The following ACYP2 variants were observed in gnomAD, a reference collection of about 807,000 sequenced individuals.
ACYP2 encodes the protein acylphosphatase 2.
ACYP2 carries 12 observed loss-of-function variants against 11.2 expected under a neutral mutation model. That is an observed-to-expected ratio of 1.08 (90% CI 0.69 to 1.74). ACYP2 has a LOEUF of 1.74. ACYP2 is among the 40% of genes most tolerant of loss of function. The pLI, the probability that ACYP2 is intolerant of heterozygous loss-of-function variation, is 0.00. For missense variants in ACYP2, 134 were observed against 101.9 expected (o/e 1.31, Z -1.35); for synonymous variants, 43 against 32.2 (o/e 1.33, Z -1.13).
intron 6 of ACYP2, among the ~76,000 whole-genome samples, chr2:54,293,204 T>G (rs1689384835): frequency 6.6e-6 from 1 of 152,202 alleles, no homozygotes; most frequent in African/African-American, 2.4e-5. Context: ...CTAAGCATAC[T>G]GACTCTAAAG....
At chr2:54,159,926 T>C (rs1042045146) in intron 6 of ACYP2, among the ~76,000 whole-genome samples, 1 of 152,170 alleles carries the variant, frequency 6.6e-6, no homozygotes, top group Non-Finnish European at 1.5e-5. Context: ...GCCTTGCTGA[T>C]TGCTCCCCAC....
intron 4 of ACYP2, among the ~76,000 whole-genome samples, chr2:54,088,329 G>A (rs993565349): frequency 5.3e-5 from 8 of 152,068 alleles, no homozygotes; most frequent in African/African-American, 1.7e-4. Context: ...TCAGCTTCAA[G>A]AAGCAGGAGG....
At chr2:54,121,219 G>A (rs886998651) in intron 4 of ACYP2, among the ~76,000 whole-genome samples, 2 of 152,196 alleles carry the variant, frequency 1.3e-5, no homozygotes, top group Non-Finnish European at 2.9e-5. Context: ...GTAGCCCTCT[G>A]TGTGAGAGGG....
chr2:54,048,139 T>C (rs1368081890), intron 2 of ACYP2, among the ~76,000 whole-genome samples: 1 of 152,152 alleles, frequency 6.6e-6, no homozygotes, highest in African/African-American at 2.4e-5. Context: ...ATAAAAGTTT[T>C]TGTAGGCCAG....
chr2:54,254,536 A>G (rs148559721), intron 6 of ACYP2: 91 of 196,354 alleles, frequency 4.6e-4, no homozygotes, highest in African/African-American at 1.9e-3. Flanking sequence ...TCAGATGCAG[A>G]GCAGGGTGAG....
chr2:54,154,751 T>C (rs1409267074), intron 6 of ACYP2, among the ~76,000 whole-genome samples: 1 of 152,204 alleles, frequency 6.6e-6, no homozygotes, highest in African/African-American at 2.4e-5. Context: ...CATAATGTTC[T>C]TGTCTGGCTT....
intron 4 of ACYP2, among the ~76,000 whole-genome samples, chr2:54,121,133 G>T (rs1335846345): frequency 6.6e-6 from 1 of 152,190 alleles, no homozygotes; most frequent in African/African-American, 2.4e-5. Context: ...CGCGGACACT[G>T]GAGAGTGAAC....
chr2:53,988,496 G>A (rs191386740), intron 2 of ACYP2, among the ~76,000 whole-genome samples: 1 of 152,136 alleles, frequency 6.6e-6, no homozygotes, highest in Admixed American at 6.6e-5. Context: ...CACCTCCCAG[G>A]TTCAAGTGAT....
At chr2:54,225,390 C>T (rs1685971400) in intron 6 of ACYP2, among the ~76,000 whole-genome samples, 1 of 151,984 alleles carries the variant, frequency 6.6e-6, no homozygotes, top group African/African-American at 2.4e-5. Flanking sequence ...CAGAGAAAAA[C>T]AAGGGTGTTT....
At chr2:54,096,830 A>AGGGATAGGGAGACCGTG (rs1678618295) in intron 4 of ACYP2, among the ~76,000 whole-genome samples, 1 of 151,442 alleles carries the variant, frequency 6.6e-6, no homozygotes, top group Non-Finnish European at 1.5e-5. Context: ...GTGGAAAGAG[A>AGGGATAGGGAGACCGTG]GGGAGAGGGA....
At chr2:54,135,299 A>G (rs995399600) in intron 4 of ACYP2, among the ~76,000 whole-genome samples, 154 bp from the exon 2 acceptor site, 2 of 152,200 alleles carry the variant, frequency 1.3e-5, no homozygotes, top group Non-Finnish European at 2.9e-5. Context: ...TAAATTTAAT[A>G]TTGTAGGACC....
rs564836592 is a variant in ACYP2, at chr2:53,998,162, A to G, written c.62+24352A>G. On this transcript the variant is annotated intron_variant, in intron 2 of 6. Transcript: ENST00000607452. ...TAGAAGAGAGGTCAAGTAGTGTTGA[A>G]CAAGATTTGGCAAGTAGTAGGTCAC... Among the ~76,000 whole-genome samples the G allele has an allele frequency of 1.2e-3, 189 of 152,344 alleles. 2 individuals are homozygous for G. The highest frequency in any genetic ancestry group is 4.5e-3 in the African/African-American group (189 of 41,580).
chr2:54,253,624 C>T (rs892537338), intron 6 of ACYP2: 6 of 152,216 alleles, frequency 3.9e-5, no homozygotes, highest in Non-Finnish European at 5.9e-5. Flanking sequence ...CTAGTCAACC[C>T]AGTGTAAATT....
chr2:54,125,758 A>G (rs1480682877), intron 4 of ACYP2, among the ~76,000 whole-genome samples: 1 of 150,934 alleles, frequency 6.6e-6, no homozygotes, highest in Non-Finnish European at 1.5e-5. Context: ...CTCAAAAAAC[A>G]AAAACAAAAC....
Position 54,300,882 on chromosome 2 carries a change from A to G in ACYP2, c.405-3806A>G, listed in dbSNP as rs148941909. 5.5e-3 allele frequency among the ~76,000 whole-genome samples: 839 copies of G among 152,352 alleles called. 12 individuals carry two copies. Among genetic ancestry groups the G allele is most frequent in the African/African-American group, 0.019 (786 of 41,586 alleles). On this transcript the variant is annotated intron_variant, in intron 6 of 6. Transcript: ENST00000607452. ...CTACTGGATATTATCAAGCTTTTAA[A>G]TCTTCCCATTCCATAAGTGACAGAT...
intron 2 of ACYP2, among the ~76,000 whole-genome samples, chr2:54,010,926 C>T (rs932229980): frequency 6.6e-5 from 10 of 151,814 alleles, no homozygotes; most frequent in Non-Finnish European, 8.8e-5. Flanking sequence ...ACCTTGGCTT[C>T]CCAAAGTGCT....
Position 54,138,668 on chromosome 2 carries a change from A to G in ACYP2, c.324A>G (p.Gly108=), listed in dbSNP as rs1255830948. 3 of 1,613,948 alleles carry G rather than the reference A, an allele frequency of 1.9e-6. No individual in the cohort carries two copies. The highest frequency in any genetic ancestry group is 2.5e-6 in the Non-Finnish European group (3 of 1,179,984). ...CAGAAGATGAAGCTAGGAAAATAGG[A>G]GTGGTTGGCTGGGTGAAGAATACCA... Residue 108 remains glycine, a synonymous_variant, in exon 6 of 7, where the codon GGA becomes GGG. Coordinates refer to ENST00000607452, the MANE Select transcript of ACYP2 (RefSeq NM_001320586.2).
At chr2:54,094,965 T>C (rs1028402798) in intron 4 of ACYP2, among the ~76,000 whole-genome samples, 2 of 151,516 alleles carry the variant, frequency 1.3e-5, no homozygotes, top group Non-Finnish European at 2.9e-5. Flanking sequence ...AGGACAATAG[T>C]GGAGGGAAGG....
At chr2:54,094,947 A>G (rs1318509089) in intron 4 of ACYP2, among the ~76,000 whole-genome samples, 1 of 151,030 alleles carries the variant, frequency 6.6e-6, no homozygotes, top group African/African-American at 2.4e-5. Flanking sequence ...GGGATTTGGC[A>G]GGGTCATAGG....
Sources: gnomAD v4.1 joint callset for allele counts (sites outside exome capture counted in the v4.1 genomes callset) on GRCh38, gnomAD v4.1.1 for gene constraint, MANE v1.5 for transcripts, NCBI Gene and HGNC (gene_info 2026-07-23, HGNC 2026-07-21) for gene names.